The following ANKS1B variants were observed in gnomAD, a reference collection of about 807,000 sequenced individuals.
ANKS1B encodes the protein ankyrin repeat and sterile alpha motif domain-containing protein 1B.
ANKS1B carries 36 observed loss-of-function variants against 148.3 expected under a neutral mutation model. The observed-to-expected ratio is 0.24, with a 90% CI of 0.19 to 0.32. The LOEUF (loss-of-function observed/expected upper bound fraction) is 0.32, where lower values mean the gene tolerates loss of function less well. Ranked by LOEUF, ANKS1B falls within the 10% of genes least tolerant of loss-of-function variation. The pLI, the probability that ANKS1B is intolerant of heterozygous loss-of-function variation, is 1.00. For synonymous variants in ANKS1B, 542 were observed against 560.8 expected (o/e 0.97, Z 0.47); for missense variants, 1,157 against 1,542.6 (o/e 0.75, Z 4.19).
At chr12:98,817,049 A>G (rs1394507247) in intron 19 of ANKS1B, among the ~76,000 whole-genome samples, 1 of 152,246 alleles carries the variant, frequency 6.6e-6, no homozygotes, top group Admixed American at 6.5e-5. Context: ...TGTTTGTCAT[A>G]ATACTTTCAA....
chr12:99,886,760 A>C (rs896661958), intron 1 of ANKS1B, among the ~76,000 whole-genome samples: 25 of 152,244 alleles, frequency 1.6e-4, no homozygotes, highest in Non-Finnish European at 2.8e-4. Flanking sequence ...TTAGTTGAAG[A>C]ATCAATACAT....
At chr12:98,921,023 T>G (rs547532692) in intron 17 of ANKS1B, among the ~76,000 whole-genome samples, 1 of 152,304 alleles carries the variant, frequency 6.6e-6, no homozygotes, top group South Asian at 2.1e-4. Context: ...TGTATATAAT[T>G]TATTTGGCTA....
At chr12:99,929,713 T>C (rs1156706619) in intron 1 of ANKS1B, among the ~76,000 whole-genome samples, 3 of 152,228 alleles carry the variant, frequency 2.0e-5, no homozygotes, top group African/African-American at 7.2e-5. Context: ...GCCTTCTACA[T>C]GTGGCTAGCC....
chr12:99,803,343 C>T (rs956142358), intron 4 of ANKS1B, among the ~76,000 whole-genome samples: 3 of 124,628 alleles, frequency 2.4e-5, no homozygotes, highest in Non-Finnish European at 3.3e-5. Context: ...AACAAAGCAA[C>T]AATAACAAAA....
At position 99,154,154 on chromosome 12, in the gene ANKS1B, T is replaced by C. The variant is rs563183242; in HGVS notation, c.2526+135A>G. 7.4e-4 allele frequency: 807 copies of C among 1,091,814 alleles called. 1 individual carries two copies. The highest frequency in any genetic ancestry group is 1.0e-3 in the Non-Finnish European group (778 of 766,998). The allele number at this position is 1,091,814 out of a possible 1,614,324, so 67.6% of individuals were successfully genotyped here. On this transcript the variant is annotated intron_variant, in intron 15 of 26. Transcript: ENST00000683438. ...CACAGCAAGTTCAGTCCTAAGGGCA[T>C]CCAATTTTCCAATGCAGTTACATAT...
intron 12 of ANKS1B, among the ~76,000 whole-genome samples, chr12:99,346,066 G>A (rs912097533): frequency 2.6e-5 from 4 of 151,802 alleles, no homozygotes; most frequent in African/African-American, 7.3e-5. Flanking sequence ...TACTAATTTC[G>A]ATGCCACATG....
At chr12:99,696,806 G>C (rs10860493) in intron 8 of ANKS1B, among the ~76,000 whole-genome samples, 25,742 of 152,132 alleles carry the variant, frequency 0.17, 2,691 homozygotes, top group East Asian at 0.47. Flanking sequence ...CACAGACTTG[G>C]AGAAGATCTT....
chr12:99,352,800 C>T (rs916053101), intron 12 of ANKS1B, among the ~76,000 whole-genome samples: 2 of 151,862 alleles, frequency 1.3e-5, no homozygotes, highest in Non-Finnish European at 2.9e-5. Flanking sequence ...GGCAAATTTG[C>T]TCCTCTAAAC....
At chr12:99,307,593 G>A (rs2082531859) in intron 12 of ANKS1B, among the ~76,000 whole-genome samples, 1 of 152,076 alleles carries the variant, frequency 6.6e-6, no homozygotes. Flanking sequence ...GAAGGAAGAG[G>A]CAAAGAAGTT....
At chr12:99,514,960 A>C (rs1437211611) in intron 9 of ANKS1B, among the ~76,000 whole-genome samples, 1 of 151,968 alleles carries the variant, frequency 6.6e-6, no homozygotes, top group Non-Finnish European at 1.5e-5. Context: ...TGGGCTCAAA[A>C]TAGATTAGTA....
At chr12:99,375,390 C>T (rs1358431317) in intron 12 of ANKS1B, among the ~76,000 whole-genome samples, 1 of 152,184 alleles carries the variant, frequency 6.6e-6, no homozygotes, top group African/African-American at 2.4e-5. Context: ...GCTGAGCTCA[C>T]CTCTCAGGTC....
chr12:99,877,725 G>T (rs2092209398), intron 1 of ANKS1B, among the ~76,000 whole-genome samples: 1 of 152,130 alleles, frequency 6.6e-6, no homozygotes, highest in African/African-American at 2.4e-5. Flanking sequence ...ATTGTGTTTA[G>T]TTGTAGGTAA....
chr12:99,826,240 TA>T (rs1359326686), intron 1 of ANKS1B, among the ~76,000 whole-genome samples: 1 of 152,188 alleles, frequency 6.6e-6, no homozygotes, highest in African/African-American at 2.4e-5. Flanking sequence ...CACAAAATCG[TA>T]ACTCAAGGTC....
chr12:98,783,696 GA>G (rs1437320061), intron 22 of ANKS1B, among the ~76,000 whole-genome samples: 3 of 152,206 alleles, frequency 2.0e-5, no homozygotes, highest in African/African-American at 7.2e-5. Flanking sequence ...CAGAGGCCTA[GA>G]AATGAGAATG....
chr12:99,612,114 G>T (rs1487455866), intron 9 of ANKS1B, among the ~76,000 whole-genome samples: 2 of 152,042 alleles, frequency 1.3e-5, no homozygotes, highest in African/African-American at 4.8e-5. Context: ...GTGATCTGAA[G>T]TACCACAGCA....
intron 9 of ANKS1B, among the ~76,000 whole-genome samples, chr12:99,621,632 A>C (rs927171684): frequency 6.6e-6 from 1 of 152,078 alleles, no homozygotes; most frequent in Non-Finnish European, 1.5e-5. Context: ...AAAGACTTTA[A>C]ACCAACAACA....
chr12:99,756,077 C>G (rs1314321093), intron 8 of ANKS1B, among the ~76,000 whole-genome samples: 9 of 151,962 alleles, frequency 5.9e-5, no homozygotes, highest in Admixed American at 5.9e-4. Flanking sequence ...CAACATAGTA[C>G]TGAAAGTCCT....
chr12:99,515,683 G>T (rs920964493), intron 9 of ANKS1B, among the ~76,000 whole-genome samples: 4 of 151,760 alleles, frequency 2.6e-5, no homozygotes, highest in African/African-American at 7.3e-5. Flanking sequence ...GGGGGTGGGG[G>T]GTGTATATAA....
At chr12:99,666,895 T>TGTGGGG (rs374573568) in intron 8 of ANKS1B, among the ~76,000 whole-genome samples, 3 of 144,756 alleles carry the variant, frequency 2.1e-5, no homozygotes, top group Admixed American at 7.0e-5. Flanking sequence ...TGTGTGTGTG[T>TGTGGGG]GGTGAGGACA....
Sources: gnomAD v4.1 joint callset for allele counts (sites outside exome capture counted in the v4.1 genomes callset) on GRCh38, gnomAD v4.1.1 for gene constraint, MANE v1.5 for transcripts, NCBI Gene and HGNC (gene_info 2026-07-23, HGNC 2026-07-21) for gene names.